The following DCAF10 variants were observed in gnomAD, a reference collection of about 807,000 sequenced individuals.
DCAF10 encodes DDB1 and CUL4 associated factor 10.
DCAF10 carries 19 observed loss-of-function variants against 51.9 expected under a neutral mutation model. That is an observed-to-expected ratio of 0.37 (90% CI 0.26 to 0.54). DCAF10 has a LOEUF of 0.54. Ranked by LOEUF, DCAF10 falls within the 20% of genes least tolerant of loss-of-function variation. The pLI is 0.87. For synonymous variants in DCAF10, 291 were observed against 297.1 expected (o/e 0.98, Z 0.21); for missense variants, 510 against 730.6 (o/e 0.70, Z 3.48).
intron 2 of DCAF10, among the ~76,000 whole-genome samples, chr9:37,830,653 ATGTT>A (rs1829979319): frequency 6.6e-6 from 1 of 152,200 alleles, no homozygotes; most frequent in South Asian, 2.1e-4. Context: ...GGTATCACAG[ATGTT>A]TGTTATATTT....
At chr9:37,841,966 A>G in intron 2 of DCAF10, 123 bp from the exon 3 acceptor site, 1 of 795,324 alleles carries the variant, frequency 1.3e-6, no homozygotes, top group South Asian at 1.9e-5. Flanking sequence ...GGGTTTACAT[A>G]GTGAGTGTGT....
intron 1 of DCAF10, among the ~76,000 whole-genome samples, chr9:37,817,067 C>T (rs1164640962): frequency 2.0e-5 from 3 of 151,876 alleles, no homozygotes; most frequent in Non-Finnish European, 2.9e-5. Context: ...AATATACAGT[C>T]GAAGAACAAA....
chr9:37,818,000 T>A (rs1358836789), intron 1 of DCAF10, among the ~76,000 whole-genome samples: 1 of 148,000 alleles, frequency 6.8e-6, no homozygotes, highest in Non-Finnish European at 1.5e-5. Flanking sequence ...GATTTCAACT[T>A]TTTTTTTTTT....
intron 2 of DCAF10, among the ~76,000 whole-genome samples, chr9:37,823,906 A>T: frequency 1.5e-5 from 2 of 130,362 alleles, no homozygotes; most frequent in South Asian, 2.4e-4. Flanking sequence ...TTTGAGACAG[A>T]GTCTCACTAT....
At chr9:37,817,244 T>A (rs1362031324) in intron 1 of DCAF10, among the ~76,000 whole-genome samples, 1 of 152,222 alleles carries the variant, frequency 6.6e-6, no homozygotes, top group Admixed American at 6.5e-5. Flanking sequence ...TACTATAATT[T>A]GATTCAAACA....
chr9:37,834,794 C>CTTTTTTTTTT (rs372584446), intron 2 of DCAF10, among the ~76,000 whole-genome samples: 2,218 of 144,104 alleles, frequency 0.015, 91 homozygotes, highest in African/African-American at 0.055. Context: ...CAATCACGTA[C>CTTTTTTTTTT]TTTTTTTTTT....
intron 1 of DCAF10, among the ~76,000 whole-genome samples, chr9:37,811,305 C>T (rs1032586860): frequency 2.6e-5 from 4 of 152,110 alleles, no homozygotes; most frequent in Non-Finnish European, 5.9e-5. Flanking sequence ...ACACTTCAGC[C>T]TGGGTGACCA....
rs118004637 is a variant in DCAF10, at chr9:37,829,796, C to G, written c.653+10395C>G. 3.7e-4 allele frequency among the ~76,000 whole-genome samples: 56 copies of G among 152,134 alleles called. No homozygotes were observed. In the East Asian group the frequency reaches 9.7e-3, roughly 26 times the overall value. ...CTGAGGTGGGACAATCACTGGAGGG[C>G]AGGAGTTCAAGACTAGCCTGGGCAA... On this transcript the variant is annotated intron_variant, in intron 2 of 6. Transcript: ENST00000377724. This position sits in a 1 kb window ranked among gnomAD's most constrained non-coding sequence, Gnocchi z 4.2.
chr9:37,846,503 T>G (rs1319403856), intron 3 of DCAF10, among the ~76,000 whole-genome samples: 1 of 151,800 alleles, frequency 6.6e-6, no homozygotes, highest in African/African-American at 2.4e-5. Context: ...AGATATTGAA[T>G]TGGTAATTTT....
rs973663358 is a variant in DCAF10, at chr9:37,866,919, A to G, written c.*5411A>G. ...GTACAGGAAAAAAATTCAGATAGAC[A>G]TAAGAGTATTTTGGATGCCATTAAA... On this transcript the variant is annotated 3_prime_UTR_variant, in exon 7 of 7. Coordinates refer to ENST00000377724, the MANE Select transcript of DCAF10 (RefSeq NM_024345.5). 9.8e-5 allele frequency: 15 copies of G among 152,470 alleles called. No individual in the cohort carries two copies. Among genetic ancestry groups the G allele is most frequent in the Non-Finnish European group, 1.9e-4 (13 of 68,034 alleles). 9.4% of individuals were successfully genotyped at this position (152,470 alleles called of 1,614,324 possible).
intron 3 of DCAF10, among the ~76,000 whole-genome samples, chr9:37,850,099 T>C (rs936991032): frequency 6.6e-6 from 1 of 151,610 alleles, no homozygotes; most frequent in Non-Finnish European, 1.5e-5. Flanking sequence ...ATTTGGCCCA[T>C]AGGCCAAAGT....
rs1362831553 is a variant in DCAF10, at chr9:37,819,612, T to C, written c.653+211T>C. ...GGATTGGAATGTTTCTGAAATACAT[T>C]TCTAACTTCTATATAATTTTACCTT... On this transcript the variant is annotated intron_variant, in intron 2 of 6. Coordinates refer to ENST00000377724, the MANE Select transcript of DCAF10 (RefSeq NM_024345.5). Among the ~76,000 whole-genome samples, 6 of 152,232 alleles carry C rather than the reference T, an allele frequency of 3.9e-5. No individual in the cohort carries two copies. In the South Asian group the frequency reaches 1.0e-3, roughly 26 times the overall value.
At chr9:37,843,563 A>G (rs1415228327) in intron 3 of DCAF10, among the ~76,000 whole-genome samples, 1 of 152,208 alleles carries the variant, frequency 6.6e-6, no homozygotes, top group Non-Finnish European at 1.5e-5. Flanking sequence ...AATCCCATAG[A>G]AGCAGAGAAG....
At chr9:37,855,075 A>G in intron 4 of DCAF10, 93 bp downstream of exon 4, 1 of 1,222,506 alleles carries the variant, frequency 8.2e-7, no homozygotes, top group Non-Finnish European at 1.1e-6. Flanking sequence ...ATAGCAGGAA[A>G]AGGGAAGACA....
rs1171414099 is a variant in DCAF10 at position 37,824,568 on chromosome 9, T to G, written c.653+5167T>G. Among the ~76,000 whole-genome samples, 4 of 150,464 alleles carry G rather than the reference T, an allele frequency of 2.7e-5. No individual in the cohort carries two copies. In the East Asian group the frequency reaches 7.8e-4, roughly 29 times the overall value. The stretch of plus-strand genomic sequence containing the variant: ...GTTTAAAAAAGTAAAAAAAAAAAAT[T>G]TAAATGAAGAAAAGGGATGATAAAT... On this transcript the variant is annotated intron_variant, in intron 2 of 6. Coordinates refer to ENST00000377724, the MANE Select transcript of DCAF10 (RefSeq NM_024345.5).
chr9:37,859,147 C>T (rs1214292979), intron 5 of DCAF10, among the ~76,000 whole-genome samples: 1 of 152,150 alleles, frequency 6.6e-6, no homozygotes, highest in Non-Finnish European at 1.5e-5. Context: ...TAGAGCTTCA[C>T]AGGTTTCTGT....
Position 37,860,135 on chromosome 9 carries a change from T to C in DCAF10, c.1253T>C (p.Leu418Pro). 6.2e-7 allele frequency: 1 copy of C among 1,614,146 alleles called. No homozygotes were observed. The highest frequency in any genetic ancestry group is 8.5e-7 in the Non-Finnish European group (1 of 1,180,008). ...GGAAACTGCATCACGTCCTTACAGC[T>C]GCACCCAAAAGGCTGGGCCACTCTT... is the stretch of plus-strand genomic sequence containing the variant. ...DHGNCITSLQ[L>P]HPKGWATLLR... The change falls in exon 6 of 7, where the codon CTG becomes CCG. Residue 418 changes from leucine to proline, a missense_variant. Coordinates refer to ENST00000377724, the MANE Select transcript of DCAF10 (RefSeq NM_024345.5).
intron 3 of DCAF10, among the ~76,000 whole-genome samples, chr9:37,844,821 GA>G: frequency 6.9e-6 from 1 of 145,762 alleles, no homozygotes; most frequent in South Asian, 2.1e-4. Context: ...TCTCAAAAAA[GA>G]AAAATAACAA....
Position 37,860,088 on chromosome 9 carries a change from A to G in DCAF10, c.1206A>G (p.Glu402=). 1 of 1,614,140 alleles carries G rather than the reference A, an allele frequency of 6.2e-7. No homozygotes were observed. The highest frequency in any genetic ancestry group is 1.6e-4 in the Middle Eastern group (1 of 6,062). The part of the protein sequence containing the change: ...PRNSLEVVTP[E]VLGESDHGNC... ...ATAGTCTTGAAGTCGTAACCCCTGA[A>G]GTTCTTGGTGAGAGTGACCACGGAA... Residue 402 remains glutamate (E), a synonymous_variant, in exon 6 of 7, where the codon GAA becomes GAG. Transcript: ENST00000377724.
Sources: allele counts gnomAD v4.1 joint callset (sites outside exome capture counted in the v4.1 genomes callset), GRCh38; gene constraint gnomAD v4.1.1; non-coding constraint Gnocchi (gnomAD v3.1); transcripts MANE v1.5; gene names NCBI Gene and HGNC (gene_info 2026-07-23, HGNC 2026-07-21).